The following CD72 variants were observed in gnomAD, a reference collection of about 807,000 sequenced individuals.
CD72 encodes the protein B-cell differentiation antigen CD72.
Under a neutral mutation model 50.7 loss-of-function variants are expected in CD72, and 28 were observed. The observed-to-expected ratio is 0.55, with a 90% CI of 0.41 to 0.76. The LOEUF (loss-of-function observed/expected upper bound fraction) is 0.76, where lower values mean the gene tolerates loss of function less well. Among genes scored for constraint, CD72 ranks in the 30% least tolerant of loss-of-function variants. The pLI, the probability that CD72 is intolerant of heterozygous loss-of-function variation, is 0.00. For missense variants in CD72, 403 were observed against 420.6 expected (o/e 0.96, Z 0.37); for synonymous variants, 176 against 171.2 (o/e 1.03, Z -0.22).
At position 35,642,153 on chromosome 9, in the gene CD72, G is replaced by A. The variant is rs1031529160; in HGVS notation, n.408+4250C>T. Among the ~76,000 whole-genome samples the A allele has an allele frequency of 2.0e-5, 3 of 152,162 alleles. No homozygotes were observed. In the East Asian group the frequency reaches 5.8e-4, roughly 29 times the overall value. On this transcript the variant is annotated intron_variant and non_coding_transcript_variant, in intron 1 of 3. Coordinates refer to the CD72 transcript ENST00000465754. ...TTCCATCAGTATACAAGTTGAGGTC[G>A]GGATCAGTCACGGGAACCTCTAAAA... is the stretch of plus-strand genomic sequence containing the variant.
At chr9:35,638,579 T>C (rs1823312169) in intron 1 of CD72, among the ~76,000 whole-genome samples, 1 of 151,538 alleles carries the variant, frequency 6.6e-6, no homozygotes, top group South Asian at 2.1e-4. Context: ...GTTTGGGCTC[T>C]TTCTCATCAG....
At chr9:35,626,449 C>A (rs1007948377) in intron 1 of CD72, among the ~76,000 whole-genome samples, 1 of 152,152 alleles carries the variant, frequency 6.6e-6, no homozygotes, top group African/African-American at 2.4e-5. Context: ...GTTGAAATGA[C>A]AACAAAGGAT....
chr9:35,614,823 A>T (rs1018373533), intron 5 of CD72, among the ~76,000 whole-genome samples: 1 of 152,160 alleles, frequency 6.6e-6, no homozygotes, highest in Admixed American at 6.5e-5. Flanking sequence ...AAACATAGTG[A>T]GACCTTGTCT....
intron 8 of CD72, 86 bp downstream of exon 8, chr9:35,610,516 G>A: frequency 9.6e-7 from 1 of 1,045,124 alleles, no homozygotes; most frequent in Non-Finnish European, 1.3e-6. Context: ...TTTTCTCTCG[G>A]GCCCCTGGGC....
chr9:35,612,631 A>T (rs1276662607), intron 6 of CD72, among the ~76,000 whole-genome samples: 2 of 151,950 alleles, frequency 1.3e-5, no homozygotes, highest in African/African-American at 4.8e-5. Flanking sequence ...TCTCATGCCA[A>T]CTCTAATCAG....
chr9:35,617,260 G>A lies in CD72; in HGVS notation c.191-13C>T, dbSNP rs773712437. ...TCCGACTTGACCGCTGTCGAGGGGA[G>A]CATCCAGTGTGAGACCGGAAGCCCC... On this transcript the variant is annotated splice_polypyrimidine_tract_variant and intron_variant, in intron 2 of 8. Coordinates refer to ENST00000259633, the MANE Select transcript of CD72 (RefSeq NM_001782.3). 2 of 1,541,696 alleles carry A rather than the reference G, an allele frequency of 1.3e-6. No homozygotes were observed. The highest frequency in any genetic ancestry group is 2.7e-5 in the African/African-American group (2 of 72,868).
chr9:35,625,118 G>A (rs1454205144), intron 1 of CD72, among the ~76,000 whole-genome samples: 1 of 152,228 alleles, frequency 6.6e-6, no homozygotes, highest in African/African-American at 2.4e-5. Flanking sequence ...TAAGGTTAGT[G>A]AGGAAGGCAT....
intron 6 of CD72, 180 bp downstream of exon 6, chr9:35,612,668 G>T: frequency 1.6e-6 from 1 of 617,896 alleles, no homozygotes; most frequent in African/African-American, 1.8e-5. Context: ...GGACCACTGT[G>T]CTGAGAAGAT....
chr9:35,616,022 C>T lies in CD72; in HGVS notation c.609G>A (p.Glu203=). Residue 203 remains glutamate, a synonymous_variant, in exon 5 of 9, where the codon GAG becomes GAA. Transcript: ENST00000259633. ...TCTGCTCCAAGGCCCTCCTCTGTTG[C>T]TCCTCACTTTGCAAGGTCTCCTTCG... The part of the protein sequence containing the change: ...QKTKETLQSE[E]QQRRALEQKL... The T allele has an allele frequency of 6.2e-7, 1 of 1,614,134 alleles. No homozygotes were observed. Among genetic ancestry groups the T allele is most frequent in the Non-Finnish European group, 8.5e-7 (1 of 1,180,024 alleles).
upstream of CD72, chr9:35,618,758 G>C (rs1428673690): frequency 1.8e-5 from 23 of 1,286,914 alleles, no homozygotes; most frequent in Non-Finnish European, 2.0e-5. Flanking sequence ...GATCTCCCCA[G>C]CTCCAGGGTG....
chr9:35,613,568 A>G (rs1823020468), intron 5 of CD72, among the ~76,000 whole-genome samples: 1 of 152,058 alleles, frequency 6.6e-6, no homozygotes, highest in South Asian at 2.1e-4. Flanking sequence ...ACCTCTCTCC[A>G]TTGCTTTGTT....
chr9:35,611,085 A>G (rs1234795388), intron 7 of CD72, among the ~76,000 whole-genome samples: 1 of 152,208 alleles, frequency 6.6e-6, no homozygotes, highest in Non-Finnish European at 1.5e-5. Flanking sequence ...CCCCGTCTCT[A>G]CTAAAAATAC....
At chr9:35,610,838 A>G in intron 7 of CD72, 85 bp from the exon 8 acceptor site, 1 of 1,122,660 alleles carries the variant, frequency 8.9e-7, no homozygotes, top group Non-Finnish European at 1.3e-6. Flanking sequence ...TAAAACCTAA[A>G]TCCTAACTCA....
chr9:35,643,772 A>C (rs1205308978), intron 1 of CD72, among the ~76,000 whole-genome samples: 1 of 152,118 alleles, frequency 6.6e-6, no homozygotes, highest in African/African-American at 2.4e-5. Context: ...GAGGTCAGGC[A>C]TTCAAAACCA....
chr9:35,640,074 A>T (rs1823325105), intron 1 of CD72, among the ~76,000 whole-genome samples: 1 of 152,330 alleles, frequency 6.6e-6, no homozygotes, highest in Admixed American at 6.5e-5. Context: ...AATTATTGCT[A>T]TTTACTAAAA....
chr9:35,610,706 G>A lies in CD72; in HGVS notation c.998C>T (p.Ser333Leu). Reference sequence around the variant, plus strand: ...TGACTCTGACTCCAGTGTCCACCATGACCAAGTTTTATGTACCTTGTTACA... The same window carrying A: ...TGACTCTGACTCCAGTGTCCACCATAACCAAGTTTTATGTACCTTGTTACA... Reference protein sequence around the residue: ...SKCNKVHKTWSWWTLESESCR... With the variant: ...SKCNKVHKTWLWWTLESESCR... The change falls in exon 8 of 9, where the codon TCA (serine) becomes TTA (leucine). Residue 333 changes from serine to leucine, a missense_variant. Physicochemically the swap from Ser to Leu is moderately radical, Grantham distance 145 (BLOSUM62 -2). Transcript: ENST00000259633. 1 of 1,612,110 alleles carries A rather than the reference G, an allele frequency of 6.2e-7. No individual in the cohort carries two copies. The highest frequency in any genetic ancestry group is 8.5e-7 in the Non-Finnish European group (1 of 1,178,304).
chr9:35,637,216 T>C (rs1029282114), intron 1 of CD72, among the ~76,000 whole-genome samples: 2 of 152,050 alleles, frequency 1.3e-5, no homozygotes, highest in Non-Finnish European at 2.9e-5. Context: ...TAAAAACTAA[T>C]GATAATCCCA....
chr9:35,624,042 T>G (rs1452845241), upstream of CD72, among the ~76,000 whole-genome samples: 2 of 151,106 alleles, frequency 1.3e-5, no homozygotes, highest in Non-Finnish European at 2.9e-5. Flanking sequence ...TGAAACCCCA[T>G]CTCTACTAAA....
At chr9:35,632,856 GCACGAGC>G (rs1323006881) in intron 1 of CD72, among the ~76,000 whole-genome samples, 2 of 151,606 alleles carry the variant, frequency 1.3e-5, no homozygotes, top group Admixed American at 6.6e-5. Context: ...GGGATTTCAG[GCACGAGC>G]CACTGTGCCC....
Sources: gnomAD v4.1 joint callset for allele counts (sites outside exome capture counted in the v4.1 genomes callset) on GRCh38, gnomAD v4.1.1 for gene constraint, MANE v1.5 for transcripts, NCBI Gene and HGNC (gene_info 2026-07-23, HGNC 2026-07-21) for gene names.